Variants in GMDS observed in about 807,000 individuals in gnomAD.
GMDS encodes the protein GDP-mannose 4,6-dehydratase.
A neutral mutation model predicts 49.9 loss-of-function variants in GMDS; 20 were observed. The ratio of observed to expected loss-of-function variants is 0.40; its 90% CI spans 0.28 to 0.58. The LOEUF is 0.58. GMDS is among the 20% of genes least tolerant of loss of function. The pLI, the probability that GMDS is intolerant of heterozygous loss-of-function variation, is 0.42. For synonymous variants in GMDS, 177 were observed against 178.6 expected (o/e 0.99, Z 0.07); for missense variants, 362 against 481.4 (o/e 0.75, Z 2.32).
intron 1 of GMDS, among the ~76,000 whole-genome samples, chr6:2,150,946 T>C (rs1776813141): frequency 6.6e-6 from 1 of 152,198 alleles, no homozygotes; most frequent in Non-Finnish European, 1.5e-5. Context: ...AGACTGCTTT[T>C]ACACTGGCAA....
intron 9 of GMDS, among the ~76,000 whole-genome samples, chr6:1,681,868 G>C (rs1372589383): frequency 6.6e-6 from 1 of 152,192 alleles, no homozygotes; most frequent in African/African-American, 2.4e-5. Flanking sequence ...GCTAATTTTT[G>C]TATTTCTTAT....
At chr6:2,102,109 A>T (rs1773958684) in intron 4 of GMDS, among the ~76,000 whole-genome samples, 1 of 152,150 alleles carries the variant, frequency 6.6e-6, no homozygotes, top group Non-Finnish European at 1.5e-5. Flanking sequence ...TGTAAGATGT[A>T]GTCACGTAAA....
At chr6:1,844,067 C>T (rs12110658) in intron 7 of GMDS, among the ~76,000 whole-genome samples, 2,062 of 152,274 alleles carry the variant, frequency 0.014, 44 homozygotes, top group African/African-American at 0.047. Flanking sequence ...CTACTACTTA[C>T]GGAATATCTA....
chr6:1,996,730 T>C (rs2127372732), intron 4 of GMDS, among the ~76,000 whole-genome samples: 1 of 152,290 alleles, frequency 6.6e-6, no homozygotes. Flanking sequence ...ACATCATTTC[T>C]ACCTAAAAGT....
rs1562103386 is a variant in GMDS, at chr6:2,154,862, G to GAA, written c.103-30132_103-30131insTT. On this transcript the variant is annotated intron_variant, in intron 1 of 10. Transcript: ENST00000380815. ...AACAAAAGCCTCTTATTGAAGAGAT[G>GAA]CAAAAAAAAAAAAAAAAAAAAAAAG... Among the ~76,000 whole-genome samples, 146 of 33,832 alleles carry GAA rather than the reference G, an allele frequency of 4.3e-3. 9 individuals carry two copies. Among genetic ancestry groups the GAA allele is most frequent in the African/African-American group, 9.9e-3 (131 of 13,198 alleles). The allele number at this position is 33,832 out of a possible 152,430, so 22.2% of individuals were successfully genotyped here.
chr6:2,014,281 A>C (rs1007982067), intron 4 of GMDS, among the ~76,000 whole-genome samples: 1 of 151,980 alleles, frequency 6.6e-6, no homozygotes, highest in Non-Finnish European at 1.5e-5. Flanking sequence ...ACCATAAAAA[A>C]AAAGAAAGAA....
At chr6:2,187,816 G>T (rs1778845484) in intron 1 of GMDS, among the ~76,000 whole-genome samples, 1 of 152,170 alleles carries the variant, frequency 6.6e-6, no homozygotes, top group South Asian at 2.1e-4. Context: ...TATTCAAGGA[G>T]ACTGTTATTT....
intron 9 of GMDS, among the ~76,000 whole-genome samples, chr6:1,652,381 AT>A (rs527282091): frequency 0.15 from 963 of 6,246 alleles, 88 homozygotes; most frequent in Non-Finnish European, 0.22. Flanking sequence ...AAAAAAAAAA[AT>A]ATATATATAT....
intron 9 of GMDS, among the ~76,000 whole-genome samples, chr6:1,712,241 C>T (rs1201583970): frequency 6.6e-6 from 1 of 152,196 alleles, no homozygotes; most frequent in African/African-American, 2.4e-5. Context: ...TTCTGCAATA[C>T]TCCGGTATCT....
chr6:2,131,379 GCA>G (rs149028389), intron 1 of GMDS, among the ~76,000 whole-genome samples: 2 of 151,856 alleles, frequency 1.3e-5, no homozygotes, highest in East Asian at 1.9e-4. Flanking sequence ...GAGAAAAACA[GCA>G]CACACACACA....
At chr6:1,877,745 C>T (rs1181691781) in intron 7 of GMDS, among the ~76,000 whole-genome samples, 1 of 151,260 alleles carries the variant, frequency 6.6e-6, no homozygotes, top group Non-Finnish European at 1.5e-5. Context: ...TGCGTTGTTT[C>T]TCTGGCCACC....
chr6:2,031,808 C>T (rs1768981864), intron 4 of GMDS, among the ~76,000 whole-genome samples: 1 of 152,164 alleles, frequency 6.6e-6, no homozygotes. Context: ...GTTTCCTGTA[C>T]TTTCTTCTGA....
intron 7 of GMDS, among the ~76,000 whole-genome samples, chr6:1,907,085 T>C (rs1032989596): frequency 1.3e-5 from 2 of 152,216 alleles, no homozygotes; most frequent in African/African-American, 4.8e-5. Context: ...CACAGGCATA[T>C]ATATTTGTGT....
chr6:2,121,989 T>C (rs982203123), intron 2 of GMDS, among the ~76,000 whole-genome samples: 1 of 152,232 alleles, frequency 6.6e-6, no homozygotes, highest in African/African-American at 2.4e-5. Context: ...AGCCTCAGCA[T>C]CAAGCTCTTC....
At chr6:2,105,422 C>G (rs1443811881) in intron 4 of GMDS, among the ~76,000 whole-genome samples, 1 of 152,082 alleles carries the variant, frequency 6.6e-6, no homozygotes, top group Non-Finnish European at 1.5e-5. Context: ...CTCAGCCTCC[C>G]CTTTAGGACT....
chr6:2,225,591 C>T (rs116201705), intron 1 of GMDS, among the ~76,000 whole-genome samples: 1 of 152,160 alleles, frequency 6.6e-6, no homozygotes, highest in African/African-American at 2.4e-5. Context: ...TTAGATTTTC[C>T]GGCTTGCATC....
At chr6:1,656,309 T>C (rs1214031975) in intron 9 of GMDS, among the ~76,000 whole-genome samples, 19 of 152,228 alleles carry the variant, frequency 1.2e-4, no homozygotes, top group African/African-American at 4.3e-4. Flanking sequence ...AAAATGGTTT[T>C]TGCCCTCTTT....
At chr6:2,110,644 AC>A (rs984198912) in intron 4 of GMDS, among the ~76,000 whole-genome samples, 62 of 152,236 alleles carry the variant, frequency 4.1e-4, no homozygotes, top group African/African-American at 1.5e-3. Flanking sequence ...CTTGTCCCGC[AC>A]AACTCTGTGA....
chr6:1,969,591 T>C (rs1764485107), intron 4 of GMDS, among the ~76,000 whole-genome samples: 1 of 152,174 alleles, frequency 6.6e-6, no homozygotes, highest in Non-Finnish European at 1.5e-5. Flanking sequence ...CAGTCCCGTA[T>C]GGTTCAGTGG....
Sources: gnomAD v4.1 joint callset for allele counts (sites outside exome capture counted in the v4.1 genomes callset) on GRCh38, gnomAD v4.1.1 for gene constraint, MANE v1.5 for transcripts, NCBI Gene and HGNC (gene_info 2026-07-23, HGNC 2026-07-21) for gene names.